Variants in ITGA2 observed in about 807,000 individuals in gnomAD.
The protein encoded by ITGA2 is integrin alpha-2.
In ITGA2, 101 loss-of-function variants were observed where a neutral mutation model predicts 146.3. The ratio of observed to expected loss-of-function variants is 0.69; its 90% CI spans 0.59 to 0.81. The LOEUF is 0.81. ITGA2 is among the 40% of genes least tolerant of loss of function. The pLI is 0.00. For missense variants in ITGA2, 1,281 were observed against 1,402.7 expected (o/e 0.91, Z 1.39); for synonymous variants, 477 against 487.1 (o/e 0.98, Z 0.27).
At position 53,081,205 on chromosome 5, in the gene ITGA2, T is replaced by C. The variant is rs542898200; in HGVS notation, c.3040-387T>C. Among the ~76,000 whole-genome samples the C allele has an allele frequency of 6.9e-4, 105 of 152,280 alleles. No individual in the cohort carries two copies. In the South Asian group the frequency reaches 9.1e-3, roughly 13 times the overall value. On this transcript the variant is annotated intron_variant, in intron 25 of 29. Transcript: ENST00000296585. ...GCTGCTCTAGCCAAACCTCTTGACA[T>C]TGGCTCATCTTCAGTCCAACAGTTG... is the stretch of plus-strand genomic sequence containing the variant.
chr5:53,028,369 G>A (rs144130713), intron 2 of ITGA2, among the ~76,000 whole-genome samples: 110 of 152,310 alleles, frequency 7.2e-4, no homozygotes, highest in Admixed American at 1.2e-3. Flanking sequence ...AACAATGCAT[G>A]TAGATACAGT....
At chr5:53,072,572 A>G (rs777828899) in intron 18 of ITGA2, 41 bp from the exon 19 acceptor site, 1 of 1,496,642 alleles carries the variant, frequency 6.7e-7, no homozygotes, top group Non-Finnish European at 9.2e-7. Context: ...TGCTTTTTCA[A>G]CCCAAGAGCA....
Position 53,051,547 on chromosome 5 carries a change from T to C in ITGA2, c.767T>C (p.Ile256Thr). 6.2e-7 allele frequency: 1 copy of C among 1,613,424 alleles called. No individual in the cohort carries two copies. Among genetic ancestry groups the C allele is most frequent in the Non-Finnish European group, 8.5e-7 (1 of 1,179,590 alleles). The stretch of plus-strand genomic sequence containing the variant: ...GACCTCACAAACACATTCGGAGCAA[T>C]TCAATATGCAAGGTAAGTTTTGGTG... Reference protein sequence around the residue: ...GGDLTNTFGAIQYARKYAYSA... With the variant: ...GGDLTNTFGATQYARKYAYSA... The change falls in exon 7 of 30, where the codon ATT (isoleucine) becomes ACT (threonine). Residue 256 changes from isoleucine to threonine, a missense_variant. Physicochemically the swap from Ile to Thr is moderately conservative, Grantham distance 89. Coordinates refer to ENST00000296585, the MANE Select transcript of ITGA2 (RefSeq NM_002203.4).
chr5:53,085,899 T>C (rs1322158709), intron 27 of ITGA2, among the ~76,000 whole-genome samples: 2 of 152,130 alleles, frequency 1.3e-5, no homozygotes, highest in Non-Finnish European at 2.9e-5. Flanking sequence ...AATGTTTCTA[T>C]TGAAAAAATA....
intron 21 of ITGA2, 96 bp downstream of exon 21, chr5:53,074,573 C>A: frequency 2.1e-6 from 2 of 947,878 alleles, no homozygotes; most frequent in Non-Finnish European, 3.4e-6. Context: ...ATTTGATAGG[C>A]ATCACAAAAT....
chr5:53,075,556 A>G (rs1579896097), intron 23 of ITGA2, among the ~76,000 whole-genome samples: 1 of 151,996 alleles, frequency 6.6e-6, no homozygotes, highest in African/African-American at 2.4e-5. Context: ...CACACATCAC[A>G]GGCACACTCC....
intron 9 of ITGA2, 117 bp downstream of exon 9, chr5:53,056,266 C>A: frequency 1.2e-6 from 1 of 807,514 alleles, no homozygotes; most frequent in South Asian, 1.7e-5. Context: ...AGAGCTACTA[C>A]AATCAGTAAG....
At chr5:53,085,906 AAT>A (rs1346966730) in intron 27 of ITGA2, among the ~76,000 whole-genome samples, 6 of 152,052 alleles carry the variant, frequency 3.9e-5, no homozygotes, top group South Asian at 2.1e-4. Flanking sequence ...CTATTGAAAA[AAT>A]AGACTTTTTT....
chr5:53,086,886 A>T (rs1323791048), intron 27 of ITGA2, 66 bp from the exon 28 acceptor site: 1 of 1,239,296 alleles, frequency 8.1e-7, no homozygotes, highest in East Asian at 2.4e-5. Flanking sequence ...ATAAATCATA[A>T]GCATGCCAGC....
rs151146638 is a variant in ITGA2 at position 53,056,133 on chromosome 5, A to G, written c.1080A>G (p.Gln360=). ...LLEKAGTLGE[Q]IFSIEGTVQG... is the part of the protein sequence containing the mutation. ...AAAAGGCTGGGACATTAGGAGAACA[A>G]ATTTTCAGCATTGAAGGTAAAAAAA... The change falls in exon 9 of 30, where the codon CAA becomes CAG. Residue 360 remains glutamine (Q), a synonymous_variant. Transcript: ENST00000296585. The G allele has an allele frequency of 1.2e-6, 2 of 1,611,590 alleles. No homozygotes were observed.
chr5:53,091,927 T>A lies in ITGA2; in HGVS notation c.*1328T>A, dbSNP rs978774097. ...AATTAGCAGGTGCACCTTCTGTGGC[T>A]GTCTTGTTTCTGAAGTACTTAAACT... On this transcript the variant is annotated 3_prime_UTR_variant, in exon 30 of 30. Coordinates refer to ENST00000296585, the MANE Select transcript of ITGA2 (RefSeq NM_002203.4). The A allele has an allele frequency of 1.3e-5, 2 of 152,244 alleles. No individual in the cohort carries two copies. The highest frequency in any genetic ancestry group is 2.9e-5 in the Non-Finnish European group (2 of 68,046). 9.4% of individuals were successfully genotyped at this position (152,244 alleles called of 1,614,324 possible).
intron 1 of ITGA2, among the ~76,000 whole-genome samples, chr5:53,003,741 T>A (rs1741694721): frequency 6.6e-6 from 1 of 152,134 alleles, no homozygotes; most frequent in Non-Finnish European, 1.5e-5. Flanking sequence ...GTCAAAAGAT[T>A]TCCAGACATA....
chr5:53,074,477 G>A lies in ITGA2; in HGVS notation c.2664G>A (p.Gln888=). ...ACCCTGCTTTAAAGAGAGAACAACA[G>A]GTACAACTTGCATTTCATCCTCCAA... ...VGYPALKREQ[Q]VTFTINFDFN... Residue 888 remains glutamine (Q), a splice_region_variant and synonymous_variant, in exon 21 of 30, where the codon CAG becomes CAA. Coordinates refer to ENST00000296585, the MANE Select transcript of ITGA2 (RefSeq NM_002203.4). The A allele has an allele frequency of 1.2e-6, 2 of 1,610,290 alleles. No homozygotes were observed. The highest frequency in any genetic ancestry group is 1.7e-6 in the Non-Finnish European group (2 of 1,177,170).
At position 53,069,270 on chromosome 5, in the gene ITGA2, G is replaced by A. The variant is rs180920737; in HGVS notation, c.2084-839G>A. The stretch of plus-strand genomic sequence containing the variant: ...TAATAATTCTGATAGTTTAGACATC[G>A]GCTACTGACATCAGTTATTATCACA... On this transcript the variant is annotated intron_variant, in intron 16 of 29. Transcript: ENST00000296585. 6.3e-4 allele frequency among the ~76,000 whole-genome samples: 96 copies of A among 151,888 alleles called. 1 individual carries two copies. Among genetic ancestry groups the A allele is most frequent in the Middle Eastern group, 3.4e-3 (1 of 294 alleles).
At chr5:53,069,784 G>C (rs1203031687) in intron 16 of ITGA2, among the ~76,000 whole-genome samples, 1 of 151,658 alleles carries the variant, frequency 6.6e-6, no homozygotes, top group African/African-American at 2.4e-5. Flanking sequence ...TATGAGTAAT[G>C]AAACCCGTGC....
At chr5:52,998,070 G>A (rs1336832217) in intron 1 of ITGA2, among the ~76,000 whole-genome samples, 1 of 152,132 alleles carries the variant, frequency 6.6e-6, no homozygotes, top group Non-Finnish European at 1.5e-5. Flanking sequence ...TTATTACACA[G>A]TATTTAATTT....
chr5:53,041,285 G>A (rs1440047921), intron 2 of ITGA2, among the ~76,000 whole-genome samples: 1 of 152,024 alleles, frequency 6.6e-6, no homozygotes, highest in East Asian at 1.9e-4. Flanking sequence ...ATATTCTCTA[G>A]GTGAAGTTCT....
intron 1 of ITGA2, among the ~76,000 whole-genome samples, chr5:53,015,926 CTGTT>C (rs1561091968): frequency 6.6e-6 from 1 of 151,986 alleles, no homozygotes; most frequent in Non-Finnish European, 1.5e-5. Context: ...TTTCACTTCT[CTGTT>C]TGCTTGATAG....
At chr5:53,022,909 A>G (rs1430304542) in intron 1 of ITGA2, among the ~76,000 whole-genome samples, 1 of 152,240 alleles carries the variant, frequency 6.6e-6, no homozygotes, top group Non-Finnish European at 1.5e-5. Flanking sequence ...CCAGCCTGTT[A>G]TAATCTAGGA....
Sources: gnomAD v4.1 joint callset for allele counts (sites outside exome capture counted in the v4.1 genomes callset) on GRCh38, gnomAD v4.1.1 for gene constraint, MANE v1.5 for transcripts, NCBI Gene and HGNC (gene_info 2026-07-23, HGNC 2026-07-21) for gene names.